Variants in FRMPD1 observed in about 807,000 individuals in gnomAD.
FRMPD1 encodes the protein FERM and PDZ domain-containing protein 1.
Under a neutral mutation model 117.8 loss-of-function variants are expected in FRMPD1, and 76 were observed. The ratio of observed to expected loss-of-function variants is 0.65; its 90% CI spans 0.54 to 0.78. The LOEUF (loss-of-function observed/expected upper bound fraction) is 0.78, where lower values mean the gene tolerates loss of function less well. FRMPD1 is among the 30% of genes least tolerant of loss of function. The pLI is 0.00. For synonymous variants in FRMPD1, 783 were observed against 770.4 expected, an observed-to-expected ratio of 1.02 and a Z score of -0.27; for missense variants, 1,786 against 1,964.5, an observed-to-expected ratio of 0.91 and a Z score of 1.72.
chr9:37,745,692 C>T lies in FRMPD1; in HGVS notation c.3660C>T (p.Ala1220=), dbSNP rs59640173. ...FFLGKQTVSP[A]VPPEGIKAEA... ...TTGGGAAGCAGACAGTTTCACCAGC[C>T]GTCCCTCCAGAGGGGATCAAGGCAG... is the stretch of plus-strand genomic sequence containing the variant. The change falls in exon 16 of 16, where the codon GCC becomes GCT. Residue 1220 remains alanine, a synonymous_variant. Coordinates refer to ENST00000377765, the MANE Select transcript of FRMPD1 (RefSeq NM_014907.3). The T allele has an allele frequency of 3.6e-3, 5,796 of 1,613,962 alleles. 176 individuals are homozygous for T. In the African/African-American group the frequency reaches 0.065, roughly 18 times the overall value.
the FRMPD1 span, chr9:37,637,014 C>A: frequency 6.4e-7 from 1 of 1,562,586 alleles, no homozygotes; most frequent in Non-Finnish European, 8.8e-7. Flanking sequence ...GCATAGGATT[C>A]CTGGTCAGTG....
intron 2 of FRMPD1, among the ~76,000 whole-genome samples, chr9:37,706,577 A>G (rs1822712473): frequency 6.6e-6 from 1 of 152,214 alleles, no homozygotes; most frequent in Admixed American, 6.5e-5. Context: ...CAGGTGAATG[A>G]CAAATAACTT....
intron 15 of FRMPD1, among the ~76,000 whole-genome samples, chr9:37,741,943 C>T (rs576465815): frequency 6.6e-6 from 1 of 152,322 alleles, no homozygotes; most frequent in East Asian, 1.9e-4. Flanking sequence ...GCAAGTCTCC[C>T]CATCTCTGTC....
At position 37,731,110 on chromosome 9, in the gene FRMPD1, G is replaced by A. The variant is rs775510631; in HGVS notation, c.858+7G>A. On this transcript the variant is annotated splice_region_variant and intron_variant, in intron 9 of 15. Transcript: ENST00000377765. ...TGAATACCTCTATCTGCAGGTGACT[G>A]GGTCTGTGCTTCCTAAAATAACAGT... 6.2e-6 allele frequency: 10 copies of A among 1,612,986 alleles called. No individual in the cohort carries two copies. The highest frequency in any genetic ancestry group is 8.5e-6 in the Non-Finnish European group (10 of 1,179,006).
intron 1 of FRMPD1, among the ~76,000 whole-genome samples, chr9:37,682,599 C>G (rs1049536462): frequency 7.9e-5 from 12 of 152,220 alleles, no homozygotes; most frequent in Admixed American, 1.3e-4. Context: ...GTGCTCTTTT[C>G]AGCATTCCCT....
At chr9:37,718,577 G>C (rs948676246) in intron 5 of FRMPD1, among the ~76,000 whole-genome samples, 1 of 152,236 alleles carries the variant, frequency 6.6e-6, no homozygotes, top group South Asian at 2.1e-4. Flanking sequence ...CCAAGGGTAA[G>C]TCATAAGGGT....
chr9:37,702,002 T>G (rs552693895), intron 2 of FRMPD1, among the ~76,000 whole-genome samples: 1 of 152,330 alleles, frequency 6.6e-6, no homozygotes, highest in East Asian at 1.9e-4. Flanking sequence ...GGATTCTGGC[T>G]TGAGCAATTG....
chr9:37,690,762 A>G (rs10973490), intron 1 of FRMPD1, among the ~76,000 whole-genome samples: 37,052 of 152,072 alleles, frequency 0.24, 4,693 homozygotes, highest in East Asian at 0.41. Context: ...TTTATGAAGA[A>G]AAGAAATTTA....
At chr9:37,739,725 C>T (rs1214389053) in intron 14 of FRMPD1, among the ~76,000 whole-genome samples, 1 of 152,180 alleles carries the variant, frequency 6.6e-6, no homozygotes, top group Non-Finnish European at 1.5e-5. Flanking sequence ...CAGGATAGAA[C>T]TGAGGTCTGG....
chr9:37,613,273 T>G, the FRMPD1 span, among the ~76,000 whole-genome samples: 1 of 152,176 alleles, frequency 6.6e-6, no homozygotes, highest in Non-Finnish European at 1.5e-5. Flanking sequence ...GCACCTACTA[T>G]GTATGTGACA....
chr9:37,673,547 G>A (rs1220742693), intron 1 of FRMPD1, among the ~76,000 whole-genome samples: 4 of 152,226 alleles, frequency 2.6e-5, no homozygotes, highest in African/African-American at 9.6e-5. Flanking sequence ...AGTAGGCAGT[G>A]CCCCAGTAGG....
chr9:37,743,155 G>A (rs1411093030), intron 15 of FRMPD1, among the ~76,000 whole-genome samples: 2 of 152,178 alleles, frequency 1.3e-5, no homozygotes, highest in South Asian at 2.1e-4. Flanking sequence ...GATCCATCCT[G>A]GGATGCACAA....
In FRMPD1 at chr9:37,744,469, C is replaced by G. The variant is rs1321028772; in HGVS notation, c.2437C>G (p.Leu813Val). 6.2e-7 allele frequency: 1 copy of G among 1,614,002 alleles called. No homozygotes were observed. Among genetic ancestry groups the G allele is most frequent in the Non-Finnish European group, 8.5e-7 (1 of 1,180,020 alleles). Residue 813 changes from leucine to valine, a missense_variant, in exon 16 of 16, where the codon CTG (leucine) becomes GTG (valine). Coordinates refer to ENST00000377765, the MANE Select transcript of FRMPD1 (RefSeq NM_014907.3). ...CAGCACTTCTAGCCCTGAGAACAGC[C>G]TGCCTTGTGGGCCAGATGGAAGACA... ...KASTSSPENSLPCGPDGRQPS... is the reference protein window; with the variant it reads ...KASTSSPENSVPCGPDGRQPS...
chr9:37,681,212 C>CA (rs72098221), intron 1 of FRMPD1, among the ~76,000 whole-genome samples: 1,253 of 85,426 alleles, frequency 0.015, 32 homozygotes, highest in African/African-American at 0.047. Flanking sequence ...GACTCTGTCT[C>CA]AAAAAAAAAA....
At position 37,732,431 on chromosome 9, in the gene FRMPD1, A is replaced by G. The variant is rs1371373991; in HGVS notation, c.986A>G (p.Lys329Arg). 1 of 1,600,572 alleles carries G rather than the reference A, an allele frequency of 6.2e-7. No homozygotes were observed. ...ACAQPQKISL[K>R]YIEKDWGIEN... Reference sequence around the variant, plus strand: ...GCCCAGCCACAGAAGATCTCTTTAAAGTATATAGAGTGAGTGGCAGGGGAT... The same window carrying G: ...GCCCAGCCACAGAAGATCTCTTTAAGGTATATAGAGTGAGTGGCAGGGGAT... The change falls in exon 10 of 16, where the codon AAG becomes AGG. Residue 329 changes from lysine (K) to arginine (R), a missense_variant. Transcript: ENST00000377765.
At chr9:37,626,642 A>AAAAAAAAAAAAAAAAAAAAT in the FRMPD1 span, among the ~76,000 whole-genome samples, 1 of 146,414 alleles carries the variant, frequency 6.8e-6, no homozygotes, top group African/African-American at 2.5e-5. Flanking sequence ...AAAAAAAAAA[A>AAAAAAAAAAAAAAAAAAAAT]GCTGGAGGTG....
intron 2 of FRMPD1, among the ~76,000 whole-genome samples, chr9:37,704,359 T>C (rs1360897308): frequency 2.0e-5 from 3 of 152,220 alleles, no homozygotes; most frequent in Non-Finnish European, 4.4e-5. Flanking sequence ...ATTTTGGATA[T>C]ATTGAGTTAA....
At chr9:37,697,449 C>T (rs1395483494) in intron 2 of FRMPD1, among the ~76,000 whole-genome samples, 1 of 151,714 alleles carries the variant, frequency 6.6e-6, no homozygotes, top group Non-Finnish European at 1.5e-5. Flanking sequence ...CGCCTGTAGT[C>T]CCAGCTACTC....
chr9:37,691,908 AAAAAGAAAAG>A (rs556207979), intron 1 of FRMPD1, among the ~76,000 whole-genome samples: 14 of 152,150 alleles, frequency 9.2e-5, no homozygotes, highest in South Asian at 4.1e-4. Flanking sequence ...CTCCATCTCA[AAAAAGAAAAG>A]AAAAGAAAAG....
Sources: allele counts gnomAD v4.1 joint callset (sites outside exome capture counted in the v4.1 genomes callset), GRCh38; gene constraint gnomAD v4.1.1; transcripts MANE v1.5; gene names NCBI Gene and HGNC (gene_info 2026-07-23, HGNC 2026-07-21).